Variants in SORCS3 observed in about 807,000 individuals in gnomAD.
SORCS3 encodes the protein sortilin related VPS10 domain containing receptor 3, also known as VPS10 domain-containing receptor SorCS3.
Under a neutral mutation model 146.3 loss-of-function variants are expected in SORCS3, and 57 were observed. The ratio of observed to expected loss-of-function variants is 0.39; its 90% CI spans 0.31 to 0.49. The LOEUF (loss-of-function observed/expected upper bound fraction) is 0.49, where lower values mean the gene tolerates loss of function less well. SORCS3 is among the 20% of genes least tolerant of loss of function. The pLI is 0.92. For missense variants in SORCS3, 1,341 were observed against 1,575.5 expected (o/e 0.85, Z 2.52); for synonymous variants, 653 against 618.5 (o/e 1.06, Z -0.83).
intron 1 of SORCS3, among the ~76,000 whole-genome samples, chr10:104,646,033 A>G (rs1405282081): frequency 6.6e-6 from 1 of 152,222 alleles, no homozygotes; most frequent in African/African-American, 2.4e-5. Context: ...ATTGTTTTCA[A>G]TTAGTATTAC....
At chr10:104,862,354 G>T (rs1051213389) in intron 2 of SORCS3, among the ~76,000 whole-genome samples, 1 of 152,196 alleles carries the variant, frequency 6.6e-6, no homozygotes, top group African/African-American at 2.4e-5. Context: ...CAGAGTGTGG[G>T]AGGTGGCAGA....
intron 1 of SORCS3, among the ~76,000 whole-genome samples, chr10:104,671,310 A>G (rs2015849496): frequency 2.0e-5 from 1 of 50,022 alleles, no homozygotes; most frequent in African/African-American, 6.5e-5. Context: ...ATGTTAAGGT[A>G]GTTTCATTCT....
intron 4 of SORCS3, among the ~76,000 whole-genome samples, chr10:105,013,300 A>G (rs1308218535): frequency 6.6e-6 from 1 of 152,148 alleles, no homozygotes; most frequent in Non-Finnish European, 1.5e-5. Flanking sequence ...TTTAATAGTA[A>G]AACATTACAA....
intron 4 of SORCS3, among the ~76,000 whole-genome samples, chr10:104,984,769 C>T (rs1012435065): frequency 1.3e-5 from 2 of 152,070 alleles, no homozygotes; most frequent in Admixed American, 1.3e-4. Context: ...CACAATATAG[C>T]AAGTCATGTG....
At chr10:104,781,852 A>G (rs1490172) in intron 1 of SORCS3, among the ~76,000 whole-genome samples, 121,135 of 152,200 alleles carry the variant, frequency 0.8, 48,502 homozygotes, top group East Asian at 0.94. Flanking sequence ...CCTGCTCTTC[A>G]GCTCTGGACA....
At chr10:105,026,618 C>T (rs191860080) in intron 4 of SORCS3, among the ~76,000 whole-genome samples, 77 of 152,222 alleles carry the variant, frequency 5.1e-4, no homozygotes, top group African/African-American at 1.7e-3. Flanking sequence ...AAATGTGGTA[C>T]GTATACACCA....
intron 1 of SORCS3, among the ~76,000 whole-genome samples, chr10:104,722,339 T>G (rs1489002854): frequency 6.6e-6 from 1 of 152,210 alleles, no homozygotes; most frequent in Non-Finnish European, 1.5e-5. Flanking sequence ...CACTTGATCA[T>G]GGTGGATAAG....
intron 1 of SORCS3, among the ~76,000 whole-genome samples, chr10:104,823,196 C>T (rs899143986): frequency 6.6e-6 from 1 of 152,108 alleles, no homozygotes; most frequent in Non-Finnish European, 1.5e-5. Context: ...AGGCCATGAG[C>T]AGGTTTCCAA....
chr10:104,776,702 C>G (rs1488599337), intron 1 of SORCS3, among the ~76,000 whole-genome samples: 1 of 151,848 alleles, frequency 6.6e-6, no homozygotes, highest in African/African-American at 2.4e-5. Context: ...CCTCCGAGAG[C>G]CACCCACAGC....
intron 7 of SORCS3, among the ~76,000 whole-genome samples, chr10:105,130,912 C>T (rs1163007301): frequency 6.6e-6 from 1 of 152,098 alleles, no homozygotes; most frequent in Non-Finnish European, 1.5e-5. Flanking sequence ...AAATGCTGTA[C>T]CACACTTTTT....
intron 1 of SORCS3, among the ~76,000 whole-genome samples, chr10:104,649,787 A>C (rs1467819): frequency 1.3e-5 from 2 of 152,078 alleles, no homozygotes; most frequent in Non-Finnish European, 2.9e-5. Flanking sequence ...CTAATAAGCT[A>C]TGAATAAATT....
chr10:104,644,046 A>G (rs2133233547), intron 1 of SORCS3, among the ~76,000 whole-genome samples: 1 of 152,274 alleles, frequency 6.6e-6, no homozygotes, highest in East Asian at 1.9e-4. Flanking sequence ...GCAGCAGAAG[A>G]GGTGAGGGGC....
At chr10:105,058,969 A>G (rs1052722496) in intron 5 of SORCS3, among the ~76,000 whole-genome samples, 6 of 152,204 alleles carry the variant, frequency 3.9e-5, no homozygotes, top group African/African-American at 1.4e-4. Flanking sequence ...ACAAATAAAA[A>G]GAAATTTTAA....
intron 4 of SORCS3, among the ~76,000 whole-genome samples, chr10:104,983,160 C>T (rs11192260): frequency 0.25 from 37,616 of 151,940 alleles, 5,295 homozygotes; most frequent in African/African-American, 0.37. Flanking sequence ...CCACCAGACC[C>T]GGCTAATTTT....
At position 104,915,887 on chromosome 10, in the gene SORCS3, G is replaced by C; in HGVS notation, c.750G>C (p.Lys250Asn). ...AGCTGAATGACAAAGTGGGTTTGAA[G>C]ACTGTCCTCAGTTACCTCTATGTCA... The part of the protein sequence containing the change: ...YEKLNDKVGL[K>N]TVLSYLYVNP... The change falls in exon 3 of 27, where the codon AAG becomes AAC. Residue 250 changes from lysine (K) to asparagine (N), a missense_variant. Transcript: ENST00000369701. 1 of 1,614,094 alleles carries C rather than the reference G, an allele frequency of 6.2e-7. No individual in the cohort carries two copies.
intron 2 of SORCS3, among the ~76,000 whole-genome samples, chr10:104,880,580 G>A (rs865995285): frequency 2.0e-5 from 3 of 152,048 alleles, no homozygotes; most frequent in Admixed American, 6.6e-5. Context: ...CATTTTGGGG[G>A]CAGGGGCTTC....
rs1478450387 is a variant in SORCS3 at position 104,696,333 on chromosome 10, AT to A, written c.627+54380del. On this transcript the variant is annotated intron_variant, in intron 1 of 26. Transcript: ENST00000369701. ...TATATGATATATATCATATACACAT[AT>A]GATATATGATATATATCATATATAT... 8.4e-4 allele frequency among the ~76,000 whole-genome samples: 46 copies of A among 54,984 alleles called. 17 individuals are homozygous for A. The highest frequency in any genetic ancestry group is 3.4e-3 in the South Asian group (4 of 1,190). The allele number at this position is 54,984 out of a possible 152,430, so 36.1% of individuals were successfully genotyped here. A position where few individuals can be genotyped will look rare whatever the true frequency, so the allele number is the denominator to read the frequency against.
chr10:104,658,735 A>T (rs1448050046), intron 1 of SORCS3, among the ~76,000 whole-genome samples: 1 of 152,146 alleles, frequency 6.6e-6, no homozygotes, highest in African/African-American at 2.4e-5. Flanking sequence ...GTGCATGATG[A>T]TGATGATGAT....
At chr10:104,821,242 A>C (rs1016836398) in intron 1 of SORCS3, among the ~76,000 whole-genome samples, 1 of 152,204 alleles carries the variant, frequency 6.6e-6, no homozygotes, top group Non-Finnish European at 1.5e-5. Flanking sequence ...AGGGTGCATC[A>C]GGGTCACATT....
Sources: gnomAD v4.1 joint callset for allele counts (sites outside exome capture counted in the v4.1 genomes callset) on GRCh38, gnomAD v4.1.1 for gene constraint, MANE v1.5 for transcripts, NCBI Gene and HGNC (gene_info 2026-07-23, HGNC 2026-07-21) for gene names.